The following GPC6 variants were observed in gnomAD, a reference collection of about 807,000 sequenced individuals.
The protein encoded by GPC6 is glypican-6.
A neutral mutation model predicts 55.2 loss-of-function variants in GPC6; 14 were observed. The observed-to-expected ratio is 0.25, with a 90% CI of 0.17 to 0.40. The LOEUF (loss-of-function observed/expected upper bound fraction) is 0.40. Ranked by LOEUF, GPC6 falls within the 10% of genes least tolerant of loss-of-function variation. GPC6 has a pLI of 1.00. For synonymous variants in GPC6, 278 were observed against 259.6 expected (o/e 1.07, Z -0.68); for missense variants, 641 against 708.5 (o/e 0.90, Z 1.08).
rs1264052756 is a variant in GPC6, at chr13:93,912,883, C to G, written c.711+82338C>G. On this transcript the variant is annotated intron_variant, in intron 3 of 8. Transcript: ENST00000377047. ...CCCTACCTGCCAGTGACTGGGTTATCCTTGTCTTTCCTTGGCTTTGTAGTT... is the reference window on the plus strand; with the variant it reads ...CCCTACCTGCCAGTGACTGGGTTATGCTTGTCTTTCCTTGGCTTTGTAGTT... Among the ~76,000 whole-genome samples, 3 of 152,250 alleles carry G rather than the reference C, an allele frequency of 2.0e-5. No individual in the cohort carries two copies. The East Asian group carries it at 5.8e-4, about 29-fold the overall frequency.
At chr13:93,918,750 T>C (rs1457710463) in intron 3 of GPC6, among the ~76,000 whole-genome samples, 1 of 152,168 alleles carries the variant, frequency 6.6e-6, no homozygotes, top group Non-Finnish European at 1.5e-5. Flanking sequence ...ACCATCTCCA[T>C]TAACCTGATC....
chr13:93,346,508 G>A (rs1175985218), intron 1 of GPC6, among the ~76,000 whole-genome samples: 1 of 152,114 alleles, frequency 6.6e-6, no homozygotes, highest in Non-Finnish European at 1.5e-5. Context: ...AAGACCATGG[G>A]TGACAGTTTC....
intron 3 of GPC6, among the ~76,000 whole-genome samples, chr13:93,905,709 G>A (rs1388896552): frequency 6.6e-6 from 1 of 152,164 alleles, no homozygotes; most frequent in Non-Finnish European, 1.5e-5. Context: ...TTTGGGATTA[G>A]GTGAGAATAA....
intron 6 of GPC6, among the ~76,000 whole-genome samples, chr13:94,335,740 AAT>A (rs1178699282): frequency 6.6e-6 from 1 of 152,200 alleles, no homozygotes; most frequent in African/African-American, 2.4e-5. Flanking sequence ...TTTCTGAAAT[AAT>A]AAAGACCTTT....
chr13:93,792,397 G>T (rs544549169), intron 2 of GPC6, among the ~76,000 whole-genome samples: 2 of 152,194 alleles, frequency 1.3e-5, no homozygotes, highest in Non-Finnish European at 2.9e-5. Flanking sequence ...TGCAGCCTCC[G>T]CCTCCCAGGC....
intron 2 of GPC6, among the ~76,000 whole-genome samples, chr13:93,620,783 GGTTA>G (rs1479178642): frequency 2.0e-5 from 3 of 152,066 alleles, no homozygotes; most frequent in Admixed American, 6.6e-5. Flanking sequence ...GCTCTGTGTG[GGTTA>G]GTATCTGTTT....
chr13:94,360,328 C>G (rs1482735013), intron 6 of GPC6, among the ~76,000 whole-genome samples: 1 of 151,916 alleles, frequency 6.6e-6, no homozygotes, highest in Non-Finnish European at 1.5e-5. Flanking sequence ...GATGACTGAT[C>G]GATGATAGAT....
chr13:94,378,498 A>T (rs747858300), intron 6 of GPC6, among the ~76,000 whole-genome samples: 4 of 152,166 alleles, frequency 2.6e-5, no homozygotes, highest in Non-Finnish European at 5.9e-5. Flanking sequence ...AATGGTAGGT[A>T]TGAGAAGGAT....
At chr13:93,954,087 A>T (rs1594617122) in intron 3 of GPC6, among the ~76,000 whole-genome samples, 1 of 152,054 alleles carries the variant, frequency 6.6e-6, no homozygotes, top group South Asian at 2.1e-4. Context: ...CCTCCTGGAA[A>T]CCGCCATTCT....
At chr13:93,932,624 T>G (rs1878233551) in intron 3 of GPC6, among the ~76,000 whole-genome samples, 1 of 152,136 alleles carries the variant, frequency 6.6e-6, no homozygotes, top group South Asian at 2.1e-4. Flanking sequence ...ATGAAACATC[T>G]CATGGTAGGT....
chr13:93,223,999 T>A (rs369294618), upstream of GPC6, among the ~76,000 whole-genome samples: 272 of 146,410 alleles, frequency 1.9e-3, no homozygotes, highest in African/African-American at 6.5e-3. Flanking sequence ...TCCCGGGTTC[T>A]CGCCATTCTC....
intron 1 of GPC6, among the ~76,000 whole-genome samples, chr13:93,344,464 C>A (rs1467814365): frequency 6.6e-6 from 1 of 152,172 alleles, no homozygotes; most frequent in Non-Finnish European, 1.5e-5. Flanking sequence ...CTAAGATTAG[C>A]CTGACAGCCC....
intron 2 of GPC6, among the ~76,000 whole-genome samples, chr13:93,793,534 T>C (rs1374263731): frequency 6.6e-6 from 1 of 152,164 alleles, no homozygotes; most frequent in East Asian, 1.9e-4. Context: ...TTGCATTCTC[T>C]TTCCTTGTGC....
At chr13:93,938,852 C>T (rs1310440400) in intron 3 of GPC6, among the ~76,000 whole-genome samples, 1 of 152,088 alleles carries the variant, frequency 6.6e-6, no homozygotes, top group Non-Finnish European at 1.5e-5. Context: ...GCCTGTAATC[C>T]CAGCACTTTG....
chr13:93,725,664 T>C (rs1883610449), intron 2 of GPC6, among the ~76,000 whole-genome samples: 1 of 152,062 alleles, frequency 6.6e-6, no homozygotes, highest in Non-Finnish European at 1.5e-5. Flanking sequence ...ATCATCAATA[T>C]TAGAGTCATT....
chr13:94,250,492 A>G (rs1371785058), intron 4 of GPC6, among the ~76,000 whole-genome samples: 1 of 152,208 alleles, frequency 6.6e-6, no homozygotes, highest in Admixed American at 6.5e-5. Flanking sequence ...GCTCACATGC[A>G]TGTCTTTAGC....
intron 4 of GPC6, among the ~76,000 whole-genome samples, chr13:94,154,016 A>T (rs182609827): frequency 1.1e-4 from 17 of 152,320 alleles, no homozygotes; most frequent in Admixed American, 7.2e-4. Context: ...ATAATAACCC[A>T]GTCATTCATA....
chr13:93,404,099 G>A (rs1018754851), intron 1 of GPC6, among the ~76,000 whole-genome samples: 1 of 151,960 alleles, frequency 6.6e-6, no homozygotes, highest in African/African-American at 2.4e-5. Flanking sequence ...TAAACTTTGT[G>A]GTGATAAAAG....
At chr13:94,127,779 G>A (rs989068895) in intron 4 of GPC6, among the ~76,000 whole-genome samples, 2 of 152,152 alleles carry the variant, frequency 1.3e-5, no homozygotes, top group East Asian at 3.9e-4. Flanking sequence ...TGCCACAGGT[G>A]ACTGGTTTAG....
Sources: allele counts gnomAD v4.1 joint callset (sites outside exome capture counted in the v4.1 genomes callset), GRCh38; gene constraint gnomAD v4.1.1; transcripts MANE v1.5; gene names NCBI Gene and HGNC (gene_info 2026-07-23, HGNC 2026-07-21).